The following KAZN variants were observed in gnomAD, a reference collection of about 807,000 sequenced individuals.
KAZN encodes the protein kazrin, periplakin interacting protein, also known as kazrin.
A neutral mutation model predicts 87.4 loss-of-function variants in KAZN; 40 were observed. The ratio of observed to expected loss-of-function variants is 0.46; its 90% CI spans 0.36 to 0.60. The LOEUF (loss-of-function observed/expected upper bound fraction) is 0.60. Ranked by LOEUF, KAZN falls within the 20% of genes least tolerant of loss-of-function variation. The pLI is 0.00. For synonymous variants in KAZN, 466 were observed against 458.3 expected (o/e 1.02, Z -0.22); for missense variants, 898 against 1,073.9 (o/e 0.84, Z 2.29).
At chr1:14,231,077 T>C (rs976534834) in intron 2 of KAZN, among the ~76,000 whole-genome samples, 2 of 152,180 alleles carry the variant, frequency 1.3e-5, no homozygotes, top group African/African-American at 4.8e-5. Context: ...AAGTGCTCAA[T>C]AAAAACTAGA....
At chr1:15,014,776 G>A (rs1371900110) in intron 2 of KAZN, among the ~76,000 whole-genome samples, 1 of 152,136 alleles carries the variant, frequency 6.6e-6, no homozygotes, top group African/African-American at 2.4e-5. Flanking sequence ...GTGGGGCTGA[G>A]GCCATCTGCA....
chr1:14,711,769 G>A (rs1642499360), intron 1 of KAZN, among the ~76,000 whole-genome samples: 1 of 152,152 alleles, frequency 6.6e-6, no homozygotes, highest in African/African-American at 2.4e-5. Flanking sequence ...CTTCCGCATG[G>A]AGCCGTGCTG....
At chr1:13,954,997 GA>G (rs1641490559) in intron 1 of KAZN, among the ~76,000 whole-genome samples, 1 of 152,064 alleles carries the variant, frequency 6.6e-6, no homozygotes, top group Non-Finnish European at 1.5e-5. Context: ...TTGACTCCTC[GA>G]AAGTAACATT....
intron 8 of KAZN, among the ~76,000 whole-genome samples, chr1:15,093,081 C>T (rs939970027): frequency 6.6e-5 from 10 of 152,132 alleles, no homozygotes; most frequent in African/African-American, 1.4e-4. Flanking sequence ...TGGAAACAAC[C>T]GCCATGCCCA....
intron 2 of KAZN, among the ~76,000 whole-genome samples, chr1:15,005,931 T>C (rs2102045439): frequency 6.6e-6 from 1 of 152,314 alleles, no homozygotes; most frequent in African/African-American, 2.4e-5. Context: ...CAGTTTTGTT[T>C]CCCGTGTGCC....
At chr1:14,913,844 G>T (rs544353060) in intron 1 of KAZN, among the ~76,000 whole-genome samples, 3 of 152,246 alleles carry the variant, frequency 2.0e-5, no homozygotes, top group Non-Finnish European at 4.4e-5. Context: ...GAAAGCAGCC[G>T]CAGGCGTGTG....
chr1:14,242,361 G>A (rs1649040669), intron 2 of KAZN, among the ~76,000 whole-genome samples: 2 of 152,264 alleles, frequency 1.3e-5, no homozygotes, highest in South Asian at 4.1e-4. Flanking sequence ...TTTCCTTGGG[G>A]GGAAGCCCAG....
intron 2 of KAZN, among the ~76,000 whole-genome samples, chr1:14,591,554 C>A (rs1676204558): frequency 6.6e-6 from 1 of 152,066 alleles, no homozygotes. Context: ...GTTAGAATGT[C>A]TATTAATATT....
At chr1:15,110,338 A>ATATGTGTGTATGTTTGTGTG (rs1553191884) in intron 13 of KAZN, among the ~76,000 whole-genome samples, 3 of 144,862 alleles carry the variant, frequency 2.1e-5, no homozygotes, top group African/African-American at 7.8e-5. Flanking sequence ...GGCATATTGT[A>ATATGTGTGTATGTTTGTGTG]TATGTGTGTA....
intron 2 of KAZN, among the ~76,000 whole-genome samples, chr1:14,333,725 G>C (rs1351998134): frequency 5.3e-5 from 8 of 152,164 alleles, no homozygotes; most frequent in African/African-American, 1.4e-4. Flanking sequence ...AGGGGCTGGT[G>C]GGGGGTGTCG....
intron 1 of KAZN, among the ~76,000 whole-genome samples, chr1:14,905,845 AAATAATAAT>A (rs59662108): frequency 2.4e-4 from 34 of 143,294 alleles, no homozygotes; most frequent in Middle Eastern, 7.1e-3. Context: ...TCCGTCTCAA[AAATAATAAT>A]AATAATAATA....
chr1:14,622,807 G>T (rs1410189135), intron 1 of KAZN, among the ~76,000 whole-genome samples: 2 of 152,080 alleles, frequency 1.3e-5, no homozygotes, highest in African/African-American at 4.8e-5. Flanking sequence ...TATTAAGGAG[G>T]TGTCAAAAAC....
intron 2 of KAZN, among the ~76,000 whole-genome samples, chr1:14,405,136 T>C (rs1040467590): frequency 1.1e-4 from 16 of 152,244 alleles, no homozygotes; most frequent in African/African-American, 3.9e-4. Context: ...GAACTTTGCA[T>C]ACCACTGCTC....
chr1:14,702,183 G>A (rs1641959537), intron 1 of KAZN, among the ~76,000 whole-genome samples: 1 of 152,192 alleles, frequency 6.6e-6, no homozygotes, highest in African/African-American at 2.4e-5. Context: ...TTCTCTTTGG[G>A]TCTTAAGTTT....
chr1:14,375,945 A>G (rs556425099), intron 2 of KAZN, among the ~76,000 whole-genome samples: 6 of 152,328 alleles, frequency 3.9e-5, no homozygotes, highest in Admixed American at 3.9e-4. Flanking sequence ...TATGTGTACA[A>G]TACCCTCAAC....
chr1:14,855,374 A>AT (rs1454481864), intron 1 of KAZN, among the ~76,000 whole-genome samples: 7 of 152,088 alleles, frequency 4.6e-5, no homozygotes, highest in African/African-American at 7.2e-5. Context: ...GCCTTTTGTC[A>AT]TTTTTTTGTT....
chr1:14,068,723 T>A (rs1022821599), intron 1 of KAZN, among the ~76,000 whole-genome samples: 2 of 152,170 alleles, frequency 1.3e-5, no homozygotes, highest in African/African-American at 4.8e-5. Flanking sequence ...CGACAGAGAA[T>A]GAGACTTGCT....
At chr1:15,098,124 T>C (rs893649899) in intron 10 of KAZN, among the ~76,000 whole-genome samples, 1 of 152,214 alleles carries the variant, frequency 6.6e-6, no homozygotes, top group African/African-American at 2.4e-5. Flanking sequence ...AGCTAAAAAG[T>C]AATAGAACCA....
At chr1:14,139,529 G>A (rs929906550) in intron 1 of KAZN, among the ~76,000 whole-genome samples, 2 of 152,198 alleles carry the variant, frequency 1.3e-5, no homozygotes, top group African/African-American at 4.8e-5. Flanking sequence ...TCTTCCTCCT[G>A]GAGCTCCCAG....
Sources: allele counts gnomAD v4.1 joint callset (sites outside exome capture counted in the v4.1 genomes callset), GRCh38; gene constraint gnomAD v4.1.1; transcripts MANE v1.5; gene names NCBI Gene and HGNC (gene_info 2026-07-23, HGNC 2026-07-21).